ZNF185: variants seen among roughly 807,000 people sequenced by gnomAD.
ZNF185 encodes the protein zinc finger protein 185 with LIM domain.
A neutral mutation model predicts 58.6 loss-of-function variants in ZNF185; 56 were observed. The ratio of observed to expected loss-of-function variants is 0.95; its 90% CI spans 0.77 to 1.19. The LOEUF is 1.19. Ranked by LOEUF, ZNF185 falls within the 50% of genes most tolerant of loss-of-function variation. ZNF185 has a pLI of 0.00. For missense variants in ZNF185, 627 were observed against 573.5 expected (o/e 1.09, Z -0.95); for synonymous variants, 230 against 215.9 (o/e 1.07, Z -0.57).
chrX:152,901,001 C>A, the ZNF185 span, among the ~76,000 whole-genome samples: 9 of 112,231 alleles, frequency 8.0e-5, no homozygotes, highest in African/African-American at 2.9e-4. Context: ...GGTAGCTGAG[C>A]CAGGACTATG....
intron 16 of ZNF185, among the ~76,000 whole-genome samples, chrX:152,954,054 A>T (rs2048557823): frequency 8.9e-6 from 1 of 111,869 alleles, no homozygotes; most frequent in African/African-American, 3.3e-5. Flanking sequence ...ACTTTATTTA[A>T]AAAGACTATT....
chrX:152,936,442 C>T, intron 14 of ZNF185: 1 of 1,166,661 alleles, frequency 8.6e-7, no homozygotes, highest in South Asian at 1.9e-5. Flanking sequence ...CTAGCTTTGC[C>T]TCTTTCCTGG....
intron 15 of ZNF185, among the ~76,000 whole-genome samples, chrX:152,943,202 C>T (rs1184105297): frequency 9.0e-6 from 1 of 110,889 alleles, no homozygotes; most frequent in Non-Finnish European, 1.9e-5. Context: ...TGCCATGTTG[C>T]GCAGGCTGGT....
At chrX:152,899,464 G>A in the ZNF185 span, among the ~76,000 whole-genome samples, 1 of 112,955 alleles carries the variant, frequency 8.9e-6, no homozygotes, top group African/African-American at 3.2e-5. Context: ...TCGCTCCCAG[G>A]CCACTTCAGG....
chrX:152,921,802 A>G (rs559787535), intron 9 of ZNF185, among the ~76,000 whole-genome samples: 2 of 110,608 alleles, frequency 1.8e-5, no homozygotes, highest in African/African-American at 6.6e-5. Flanking sequence ...CTGTCTTCAC[A>G]TGGCCTTCTC....
At chrX:152,951,566 T>TTA (rs59430274) in intron 16 of ZNF185, among the ~76,000 whole-genome samples, 3,707 of 110,084 alleles carry the variant, frequency 0.034, 158 homozygotes, top group African/African-American at 0.11. Flanking sequence ...TTTTAGCAGT[T>TTA]TATATATATA....
In ZNF185 at chrX:152,936,531, GCCCTAGTGCCCTAT is replaced by G. The variant is rs1344165827; in HGVS notation, c.1122-1539_1122-1526del. The G allele has an allele frequency of 1.8e-6, 2 of 1,138,890 alleles. No homozygotes were observed. The highest frequency in any genetic ancestry group is 2.4e-6 in the Non-Finnish European group (2 of 849,206). 93.9% of individuals were successfully genotyped at this position (1,138,890 alleles called of 1,213,427 possible). On this transcript the variant is annotated intron_variant, in intron 14 of 22. Coordinates refer to ENST00000449285, the Ensembl canonical transcript of ZNF185. ...GCCATCAGGTAAGGTTAGGGCCACT[GCCCTAGTGCCCTAT>G]CCCATTGCCAGACACAGCCTTTGGG...
chrX:152,899,887 C>A, the ZNF185 span, among the ~76,000 whole-genome samples: 1 of 111,744 alleles, frequency 8.9e-6, no homozygotes, highest in African/African-American at 3.3e-5. Flanking sequence ...AGATCATAAA[C>A]CACTTCTTGC....
intron 6 of ZNF185, 90 bp downstream of exon 7, chrX:152,918,244 C>A: frequency 9.6e-7 from 1 of 1,036,847 alleles, no homozygotes; most frequent in Non-Finnish European, 1.3e-6. Context: ...GACTACTTGC[C>A]ACCGAGCACA....
At chrX:152,938,025 C>G in intron 14 of ZNF185, 49 bp from the exon 17 acceptor site, 1 of 1,134,998 alleles carries the variant, frequency 8.8e-7, no homozygotes, top group East Asian at 3.3e-5. Context: ...ACCTGGGCCC[C>G]AGCCTTCTTT....
intron 16 of ZNF185, among the ~76,000 whole-genome samples, chrX:152,958,865 C>T (rs1257522860): frequency 8.9e-6 from 1 of 112,427 alleles, no homozygotes; most frequent in Non-Finnish European, 1.9e-5. Flanking sequence ...TGGGCGGGTG[C>T]ACGCACGCGC....
chrX:152,941,912 G>T (rs1450242435), intron 15 of ZNF185: 2 of 1,055,650 alleles, frequency 1.9e-6, no homozygotes, highest in Non-Finnish European at 2.4e-6. Flanking sequence ...GCGGTCCCGC[G>T]AGGGGCCGAA....
intron 19 of ZNF185, 59 bp from the exon 22 acceptor site, chrX:152,967,108 C>G: frequency 9.3e-7 from 1 of 1,076,484 alleles, no homozygotes; most frequent in Non-Finnish European, 1.3e-6. Context: ...AGAAAATTAA[C>G]TATGATAGTG....
intron 17 of ZNF185, among the ~76,000 whole-genome samples, chrX:152,963,248 G>T (rs1263193547): frequency 5.3e-5 from 6 of 113,154 alleles, no homozygotes; most frequent in Non-Finnish European, 9.4e-5. Context: ...TGCCGAGGAG[G>T]TTGGATTCCA....
chrX:152,949,761 A>T (rs781875681), intron 16 of ZNF185, among the ~76,000 whole-genome samples: 1 of 111,774 alleles, frequency 8.9e-6, no homozygotes, highest in East Asian at 2.8e-4. Flanking sequence ...ACTTCGAGGG[A>T]GAGTAGATGG....
chrX:152,903,929 C>G, the ZNF185 span, among the ~76,000 whole-genome samples: 1 of 111,196 alleles, frequency 9.0e-6, no homozygotes, highest in African/African-American at 3.3e-5. Context: ...GTGCAGACGC[C>G]GAGAAGTCTA....
At chrX:152,939,079 A>ACCG (rs1569506583) in intron 15 of ZNF185, among the ~76,000 whole-genome samples, 6 of 111,872 alleles carry the variant, frequency 5.4e-5, no homozygotes, top group Non-Finnish European at 1.1e-4. Context: ...TTGGTAAGCC[A>ACCG]TGGTTAAGAG....
chrX:152,947,610 A>G lies in ZNF185; in HGVS notation c.1409+2146A>G, dbSNP rs2047914393. Among the ~76,000 whole-genome samples, 3 of 112,287 alleles carry G rather than the reference A, an allele frequency of 2.7e-5. No homozygotes were observed. In the Admixed American group the frequency reaches 2.8e-4, roughly 11 times the overall value. ...TCCAGCCAGTGATGTCCAGTAGGCT[A>G]CTGAGTAAACAAATGTGGAGTTGAG... On this transcript the variant is annotated intron_variant, in intron 16 of 22. Transcript: ENST00000449285.
At chrX:152,905,275 C>T in the ZNF185 span, among the ~76,000 whole-genome samples, 4 of 112,679 alleles carry the variant, frequency 3.5e-5, no homozygotes, top group African/African-American at 1.3e-4. Flanking sequence ...GCAGTCTGGC[C>T]GCAGAGAGGG....
Sources: allele counts gnomAD v4.1 joint callset (sites outside exome capture counted in the v4.1 genomes callset), GRCh38; gene constraint gnomAD v4.1.1; transcripts MANE v1.5; gene names NCBI Gene and HGNC (gene_info 2026-07-23, HGNC 2026-07-21).